The following RTEL1 variants were observed in gnomAD, a reference collection of about 807,000 sequenced individuals.
The protein encoded by RTEL1 is regulator of telomere length.
A neutral mutation model predicts 162.2 loss-of-function variants in RTEL1; 86 were observed. That is an observed-to-expected ratio of 0.53 (90% CI 0.45 to 0.63). The LOEUF (loss-of-function observed/expected upper bound fraction) is 0.63. RTEL1 is among the 30% of genes least tolerant of loss of function. The probability of loss-of-function intolerance (pLI) is 0.00; values close to 1 mark genes in which losing one functional copy is unlikely to be tolerated. For synonymous variants in RTEL1, 958 were observed against 717.9 expected (o/e 1.33, Z -5.35); for missense variants, 1,941 against 1,750.2 (o/e 1.11, Z -1.95).
At chr20:63,672,854 C>T (rs143653207) in intron 9 of RTEL1, among the ~76,000 whole-genome samples, 208 of 152,332 alleles carry the variant, frequency 1.4e-3, no homozygotes, top group Middle Eastern at 3.4e-3. Flanking sequence ...GGCGCAGGGC[C>T]CCCACAGGCC....
chr20:63,692,900 C>G lies in RTEL1; in HGVS notation c.2748C>G (p.Thr916=). The G allele has an allele frequency of 1.9e-6, 3 of 1,612,662 alleles. No homozygotes were observed. Among genetic ancestry groups the G allele is most frequent in the African/African-American group, 1.3e-5 (1 of 75,056 alleles). ...ELSQANFATF[T]QALQDYKGSD... ...GCCAAGCCAACTTTGCCACCTTCACCCAGGCCCTGCAGGACTACAAGGGTT... is the reference window on the plus strand; with the variant it reads ...GCCAAGCCAACTTTGCCACCTTCACGCAGGCCCTGCAGGACTACAAGGGTT... Residue 916 remains threonine (T), a synonymous_variant, in exon 29 of 35, where the codon ACC becomes ACG. Coordinates refer to ENST00000360203, the MANE Select transcript of RTEL1 (RefSeq NM_001283009.2).
At chr20:63,663,334 C>T (rs890864351) in intron 6 of RTEL1, among the ~76,000 whole-genome samples, 1 of 152,236 alleles carries the variant, frequency 6.6e-6, no homozygotes, top group Non-Finnish European at 1.5e-5. Context: ...GCGACCCTGC[C>T]CCGTGTGTCT....
At chr20:63,665,892 G>T in intron 6 of RTEL1, 112 bp from the exon 7 acceptor site, 1 of 925,404 alleles carries the variant, frequency 1.1e-6, no homozygotes, top group Non-Finnish European at 1.6e-6. Flanking sequence ...GTTGGTGGGG[G>T]ACGCCCAGCC....
At chr20:63,660,246 C>T (rs34978822) in intron 2 of RTEL1, among the ~76,000 whole-genome samples, 1 of 152,238 alleles carries the variant, frequency 6.6e-6, no homozygotes. Flanking sequence ...TACTAATCCT[C>T]AGCACAGACC....
chr20:63,659,570 T>C, intron 2 of RTEL1, 66 bp downstream of exon 2: 6 of 1,234,396 alleles, frequency 4.9e-6, no homozygotes, highest in Non-Finnish European at 7.2e-6. Flanking sequence ...GGGGTGTGCT[T>C]CCCTCTCCCG....
chr20:63,679,813 C>A (rs1390239452), intron 12 of RTEL1, 36 bp from the exon 13 acceptor site: 52 of 1,547,984 alleles, frequency 3.4e-5, no homozygotes, highest in Non-Finnish European at 4.3e-5. Flanking sequence ...TCTGGTCCCC[C>A]CGCCAGGCTC....
At position 63,674,065 on chromosome 20, in the gene RTEL1, G is replaced by A. The variant is rs771117146; in HGVS notation, c.891G>A (p.Pro297=). 3.5e-5 allele frequency: 56 copies of A among 1,613,130 alleles called. No individual in the cohort carries two copies. The African/African-American group carries it at 3.6e-4, about 10-fold the overall frequency. The change falls in exon 10 of 35, where the codon CCG becomes CCA. Residue 297 remains proline (P), a synonymous_variant. Transcript: ENST00000360203. The stretch of plus-strand genomic sequence containing the variant: ...CAGCGCAGCAGGGTGAGCCCCACCC[G>A]GAGTTCAGCGCGGACTCCCCCAGCC... ...TKAAQQGEPH[P]EFSADSPSPG...
chr20:63,664,335 G>A (rs994122502), intron 6 of RTEL1, among the ~76,000 whole-genome samples: 1 of 152,246 alleles, frequency 6.6e-6, no homozygotes, highest in Non-Finnish European at 1.5e-5. Flanking sequence ...CCTTGGGATA[G>A]CATGGAACGC....
At chr20:63,662,277 T>G (rs1279381749) in intron 4 of RTEL1, 1 of 660,942 alleles carries the variant, frequency 1.5e-6, no homozygotes, top group Non-Finnish European at 2.7e-6. Flanking sequence ...CCCTGCTGCT[T>G]GTCAGAGCCC....
intron 6 of RTEL1, among the ~76,000 whole-genome samples, chr20:63,663,999 C>T (rs1198369380): frequency 2.0e-5 from 3 of 152,186 alleles, no homozygotes; most frequent in Non-Finnish European, 1.5e-5. Flanking sequence ...GAGGCATGTG[C>T]TGTGTTGCTG....
In RTEL1 at chr20:63,679,915, G is replaced by A. The variant is rs751001291; in HGVS notation, c.1104G>A (p.Ser368=). The change falls in exon 13 of 35, where the codon TCG becomes TCA. Residue 368 remains serine (S), a synonymous_variant. Transcript: ENST00000360203. ...TFQTKGCILD[S]LDQIIQHLAG... Reference sequence around the variant, plus strand: ...AGACCAAGGGCTGCATCCTGGACTCGCTGGACCAGATCATCCAGCACCTGG... The same window carrying A: ...AGACCAAGGGCTGCATCCTGGACTCACTGGACCAGATCATCCAGCACCTGG... 1.2e-5 allele frequency: 20 copies of A among 1,612,374 alleles called. No individual in the cohort carries two copies. Among genetic ancestry groups the A allele is most frequent in the African/African-American group, 4.0e-5 (3 of 74,894 alleles).
chr20:63,690,503 G>GGGGGC, intron 26 of RTEL1, 62 bp downstream of exon 26: 1 of 1,028,422 alleles, frequency 9.7e-7, no homozygotes. Flanking sequence ...CGTGGGGCGG[G>GGGGGC]CAGCACCAGG....
chr20:63,668,110 C>T lies in RTEL1; in HGVS notation c.699+557C>T, dbSNP rs2090174296. ...CGCCCCGTGTGCCCAGCCCCACGCT[C>T]ACTCCCCCCGCCAGCATGTGCCCGG... On this transcript the variant is annotated intron_variant, in intron 8 of 34. Transcript: ENST00000360203. This position sits in a 1 kb window ranked among gnomAD's most constrained non-coding sequence, Gnocchi z 4.3. Among the ~76,000 whole-genome samples, 1 of 151,388 alleles carries T rather than the reference C, an allele frequency of 6.6e-6. No homozygotes were observed. The highest frequency in any genetic ancestry group is 2.4e-5 in the African/African-American group (1 of 41,180).
chr20:63,672,372 C>T (rs544008945), intron 8 of RTEL1, among the ~76,000 whole-genome samples, 184 bp from the exon 9 acceptor site: 7 of 152,254 alleles, frequency 4.6e-5, no homozygotes, highest in South Asian at 2.1e-4. Context: ...CCCGGTATGG[C>T]GAACTGCTGG....
chr20:63,689,746 A>C lies in RTEL1; in HGVS notation c.2026-4A>C, dbSNP rs749004159. The C allele has an allele frequency of 4.3e-6, 7 of 1,611,318 alleles. No individual in the cohort carries two copies. The highest frequency in any genetic ancestry group is 5.1e-6 in the Non-Finnish European group (6 of 1,179,146). ...CCCCGTGACCGAGCCGCCTCGCCCC[A>C]CAGTTCCTCTCTGGGCAGGAGTGGT... On this transcript the variant is annotated splice_polypyrimidine_tract_variant and splice_region_variant and intron_variant, in intron 23 of 34. Transcript: ENST00000360203.
Position 63,690,832 on chromosome 20 carries a change from G to A in RTEL1, c.2441G>A (p.Ser814Asn), listed in dbSNP as rs2090722045. 2 of 1,605,324 alleles carry A rather than the reference G, an allele frequency of 1.2e-6. No individual in the cohort carries two copies. Among genetic ancestry groups the A allele is most frequent in the Non-Finnish European group, 1.7e-6 (2 of 1,177,770 alleles). Residue 814 changes from serine (S) to asparagine (N), a missense_variant, in exon 27 of 35, where the codon AGT (serine) becomes AAT (asparagine). Physicochemically the swap from Ser to Asn is conservative, Grantham distance 46. Transcript: ENST00000360203. ...SGSPAAGDPE[S>N]SLCVEYEQEP... ...TCACCAGCTGCCGGGGACCCCGAGA[G>A]TAGCCTGTGTGTGGAGTATGAGCAG...
chr20:63,691,041 C>A, intron 27 of RTEL1, 94 bp downstream of exon 27: 4 of 1,305,014 alleles, frequency 3.1e-6, no homozygotes, highest in East Asian at 2.7e-5. Flanking sequence ...TCCCCACACA[C>A]CCCTGTAAAT....
Position 63,681,143 on chromosome 20 carries a change from C to T in RTEL1, c.1191+424C>T, listed in dbSNP as rs948481365. 8 of 985,384 alleles carry T rather than the reference C, an allele frequency of 8.1e-6. No homozygotes were observed. The East Asian group carries it at 3.4e-4, about 42-fold the overall frequency. 61.0% of individuals were successfully genotyped at this position (985,384 alleles called of 1,614,324 possible). A position where few individuals can be genotyped will look rare whatever the true frequency, so the allele number is the denominator to read the frequency against. On this transcript the variant is annotated intron_variant, in intron 14 of 34. Transcript: ENST00000360203. ...AAATGGGGACCCTGCAGGTTCCCGG[C>T]AGGGGTGTCCCTGGGAGCCCATGAT...
Position 63,685,783 on chromosome 20 carries a change from C to G in RTEL1, c.1267-8C>G. 2.5e-6 allele frequency: 4 copies of G among 1,611,154 alleles called. No homozygotes were observed. In the South Asian group the frequency reaches 4.4e-5, roughly 18 times the overall value. ...GGGCCTCCACACTCCTGGTCCTGTC[C>G]CCTCCAGGTGCACATCCATCCTGAT... On this transcript the variant is annotated splice_polypyrimidine_tract_variant and splice_region_variant and intron_variant, in intron 15 of 34. Transcript: ENST00000360203.
Sources: allele counts gnomAD v4.1 joint callset (sites outside exome capture counted in the v4.1 genomes callset), GRCh38; gene constraint gnomAD v4.1.1; non-coding constraint Gnocchi (gnomAD v3.1); transcripts MANE v1.5; gene names NCBI Gene and HGNC (gene_info 2026-07-23, HGNC 2026-07-21).